SLC35F1: variants seen among roughly 807,000 people sequenced by gnomAD.
SLC35F1 encodes chromosome 6 open reading frame 169.
A neutral mutation model predicts 48.7 loss-of-function variants in SLC35F1; 14 were observed. The observed-to-expected ratio is 0.29, with a 90% CI of 0.19 to 0.45. The LOEUF is 0.45. SLC35F1 is among the 20% of genes least tolerant of loss of function. The pLI, the probability that SLC35F1 is intolerant of heterozygous loss-of-function variation, is 1.00. For missense variants in SLC35F1, 404 were observed against 500.0 expected (o/e 0.81, Z 1.83); for synonymous variants, 190 against 202.2 (o/e 0.94, Z 0.51).
intron 3 of SLC35F1, among the ~76,000 whole-genome samples, chr6:118,264,815 A>T (rs1775752438): frequency 6.6e-6 from 1 of 152,260 alleles, no homozygotes; most frequent in Non-Finnish European, 1.5e-5. Context: ...GACAAACTGA[A>T]ATTTCCTAAT....
chr6:118,035,682 A>ATTTTT (rs745704672), intron 1 of SLC35F1, among the ~76,000 whole-genome samples: 88 of 87,326 alleles, frequency 1.0e-3, no homozygotes, highest in South Asian at 2.0e-3. Context: ...GGCTTTGTTA[A>ATTTTT]TTTTTTTTTT....
chr6:118,123,421 AAT>A (rs1773580767), intron 1 of SLC35F1, among the ~76,000 whole-genome samples: 1 of 42,398 alleles, frequency 2.4e-5, no homozygotes, highest in African/African-American at 6.8e-5. Flanking sequence ...TTCAATGCCA[AAT>A]GATAGTTTTT....
intron 1 of SLC35F1, among the ~76,000 whole-genome samples, chr6:118,033,943 C>T (rs1772089824): frequency 6.6e-6 from 1 of 152,164 alleles, no homozygotes; most frequent in African/African-American, 2.4e-5. Flanking sequence ...TAATAGGACT[C>T]TCTTACGTAT....
intron 2 of SLC35F1, among the ~76,000 whole-genome samples, chr6:118,163,598 C>G (rs888382579): frequency 3.3e-5 from 5 of 152,166 alleles, no homozygotes; most frequent in Admixed American, 3.3e-4. Flanking sequence ...ACTGTTAATT[C>G]TGGAAATCTT....
At chr6:118,245,725 G>A (rs1474720558) in intron 3 of SLC35F1, among the ~76,000 whole-genome samples, 1 of 152,158 alleles carries the variant, frequency 6.6e-6, no homozygotes, top group Admixed American at 6.5e-5. Context: ...CAGCAACACA[G>A]GAGCTGAGGA....
chr6:118,306,276 G>A (rs1776310762), intron 7 of SLC35F1, among the ~76,000 whole-genome samples: 1 of 152,174 alleles, frequency 6.6e-6, no homozygotes, highest in Non-Finnish European at 1.5e-5. Context: ...ACAGAGCAAA[G>A]GTTGCAGTGA....
At chr6:118,214,483 C>T (rs1582733460) in intron 2 of SLC35F1, among the ~76,000 whole-genome samples, 1 of 152,158 alleles carries the variant, frequency 6.6e-6, no homozygotes, top group East Asian at 1.9e-4. Flanking sequence ...TCTGAACATA[C>T]AAAATGTGAT....
At chr6:117,941,512 A>T (rs975580204) in intron 1 of SLC35F1, among the ~76,000 whole-genome samples, 1 of 152,184 alleles carries the variant, frequency 6.6e-6, no homozygotes, top group Non-Finnish European at 1.5e-5. Flanking sequence ...TACAACAATG[A>T]CCCTTCAAGT....
Position 118,167,205 on chromosome 6 carries a change from G to A in SLC35F1, c.349+12585G>A, listed in dbSNP as rs1774331336. Among the ~76,000 whole-genome samples, 3 of 152,100 alleles carry A rather than the reference G, an allele frequency of 2.0e-5. No homozygotes were observed. The South Asian group carries it at 6.2e-4, about 32-fold the overall frequency. On this transcript the variant is annotated intron_variant, in intron 2 of 7. Transcript: ENST00000360388. ...TCACAGATAAGAGGAGGAGAGTGAC[G>A]AGTAAAGAGTCCCTGTAACTGCGCA...
chr6:118,018,422 G>A (rs1268889914), intron 1 of SLC35F1, among the ~76,000 whole-genome samples: 1 of 151,952 alleles, frequency 6.6e-6, no homozygotes, highest in Non-Finnish European at 1.5e-5. Context: ...ACCTTACAGG[G>A]TTATTATGAG....
chr6:118,213,318 CTT>C (rs1378124756), intron 2 of SLC35F1, among the ~76,000 whole-genome samples: 3 of 152,248 alleles, frequency 2.0e-5, no homozygotes, highest in East Asian at 3.9e-4. Context: ...AGATTATCCT[CTT>C]TGTTTGTTGT....
intron 1 of SLC35F1, among the ~76,000 whole-genome samples, chr6:118,065,739 A>G (rs1772605223): frequency 1.3e-5 from 2 of 152,076 alleles, no homozygotes; most frequent in South Asian, 2.1e-4. Flanking sequence ...GATTACTTTC[A>G]TAAAGATTAG....
chr6:118,204,001 G>A (rs976854177), intron 2 of SLC35F1, among the ~76,000 whole-genome samples: 34 of 151,740 alleles, frequency 2.2e-4, no homozygotes, highest in Admixed American at 1.3e-3. Context: ...AATAAATGCC[G>A]TAAAGGAAAT....
intron 1 of SLC35F1, among the ~76,000 whole-genome samples, chr6:118,051,006 C>T (rs1040711031): frequency 3.9e-5 from 6 of 152,052 alleles, no homozygotes; most frequent in Admixed American, 3.9e-4. Flanking sequence ...ATTGACATCC[C>T]CTTCTGCTAT....
intron 1 of SLC35F1, among the ~76,000 whole-genome samples, chr6:117,950,566 T>G (rs1776351201): frequency 6.6e-6 from 1 of 152,204 alleles, no homozygotes; most frequent in South Asian, 2.1e-4. Context: ...TCAAGGGGCA[T>G]CACTCTTCAG....
intron 1 of SLC35F1, among the ~76,000 whole-genome samples, chr6:118,049,514 A>G (rs1772352939): frequency 6.6e-6 from 1 of 152,082 alleles, no homozygotes; most frequent in Non-Finnish European, 1.5e-5. Context: ...AAACAAATTT[A>G]CAAGAAAAAA....
At position 118,280,204 on chromosome 6, in the gene SLC35F1, C is replaced by G. The variant is rs147620005; in HGVS notation, c.847+2658C>G. Among the ~76,000 whole-genome samples the G allele has an allele frequency of 6.4e-4, 98 of 152,208 alleles. 2 individuals are homozygous for G. Among genetic ancestry groups the G allele is most frequent in the South Asian group, 4.0e-3 (19 of 4,804 alleles). ...AGTAAACTCAAGTAAAATGTATGAT[C>G]GAATACAGCTAAAAATACCCTTCTG... On this transcript the variant is annotated intron_variant, in intron 6 of 7. Transcript: ENST00000360388.
At chr6:118,118,221 G>A (rs1387678981) in intron 1 of SLC35F1, among the ~76,000 whole-genome samples, 2 of 152,096 alleles carry the variant, frequency 1.3e-5, no homozygotes, top group Admixed American at 1.3e-4. Flanking sequence ...CTGAATCTTT[G>A]TTAATACTCA....
intron 1 of SLC35F1, among the ~76,000 whole-genome samples, chr6:117,995,735 T>C (rs540238111): frequency 3.4e-4 from 51 of 152,096 alleles, no homozygotes; most frequent in African/African-American, 1.1e-3. Flanking sequence ...AGCAAGACTC[T>C]GTCTCGAAAA....
Sources: gnomAD v4.1 joint callset for allele counts (sites outside exome capture counted in the v4.1 genomes callset) on GRCh38, gnomAD v4.1.1 for gene constraint, MANE v1.5 for transcripts, NCBI Gene and HGNC (gene_info 2026-07-23, HGNC 2026-07-21) for gene names.